Variants in CFAP77 observed in about 807,000 individuals in gnomAD.
CFAP77 encodes cilia and flagella associated protein 77.
Under a neutral mutation model 31.1 loss-of-function variants are expected in CFAP77, and 25 were observed. The ratio of observed to expected loss-of-function variants is 0.80; its 90% CI spans 0.59 to 1.12. The LOEUF is 1.12. Ranked by LOEUF, CFAP77 falls within the 50% of genes most tolerant of loss-of-function variation. CFAP77 has a pLI of 0.00. For synonymous variants in CFAP77, 151 were observed against 159.9 expected (o/e 0.94, Z 0.42); for missense variants, 377 against 397.3 (o/e 0.95, Z 0.44).
intron 1 of CFAP77, among the ~76,000 whole-genome samples, chr9:132,448,040 C>G (rs1410918074): frequency 6.6e-6 from 1 of 152,148 alleles, no homozygotes; most frequent in Admixed American, 6.5e-5. Context: ...TAGATGACAA[C>G]TTGGAGGTGC....
intron 1 of CFAP77, among the ~76,000 whole-genome samples, chr9:132,491,916 T>G (rs1227656817): frequency 6.6e-6 from 1 of 152,214 alleles, no homozygotes; most frequent in South Asian, 2.1e-4. Context: ...AAAAACATAT[T>G]GATGATGTTG....
At chr9:132,553,137 G>A (rs569185824) in intron 5 of CFAP77, among the ~76,000 whole-genome samples, 2 of 152,250 alleles carry the variant, frequency 1.3e-5, no homozygotes, top group Admixed American at 6.5e-5. Flanking sequence ...CCTTCTCACC[G>A]AGTCCTCACT....
At position 132,552,450 on chromosome 9, in the gene CFAP77, C is replaced by A. The variant is rs1228947952; in HGVS notation, c.732+9403C>A. Among the ~76,000 whole-genome samples the A allele has an allele frequency of 6.6e-6, 1 of 152,182 alleles. No individual in the cohort carries two copies. Among genetic ancestry groups the A allele is most frequent in the African/African-American group, 2.4e-5 (1 of 41,430 alleles). ...GGCTCATGCCTGTAATCTCCCAGCA[C>A]TTTGGGAGGCCAAGGCGGGAGGATC... On this transcript the variant is annotated intron_variant, in intron 5 of 5. Coordinates refer to ENST00000393216, the MANE Select transcript of CFAP77 (RefSeq NM_001282957.2). The surrounding 1 kb of genome is among the most constrained non-coding windows in gnomAD (Gnocchi z 5.5).
chr9:132,429,163 A>G (rs1850362413), intron 1 of CFAP77, among the ~76,000 whole-genome samples: 1 of 151,632 alleles, frequency 6.6e-6, no homozygotes, highest in African/African-American at 2.4e-5. Flanking sequence ...TGCGGAGGAG[A>G]GGCAGACTAG....
chr9:132,461,514 CCAG>C (rs1255514374), intron 1 of CFAP77, among the ~76,000 whole-genome samples: 1 of 152,176 alleles, frequency 6.6e-6, no homozygotes, highest in Non-Finnish European at 1.5e-5. Flanking sequence ...AGGGCAGGCC[CCAG>C]CAGCAGAACA....
chr9:132,444,847 G>A (rs1298106939), intron 1 of CFAP77, among the ~76,000 whole-genome samples: 1 of 152,044 alleles, frequency 6.6e-6, no homozygotes. Flanking sequence ...GTGTCATTGT[G>A]CCACCATCAC....
At chr9:132,422,012 G>A (rs145509623) in intron 1 of CFAP77, among the ~76,000 whole-genome samples, 6 of 149,618 alleles carry the variant, frequency 4.0e-5, no homozygotes, top group Non-Finnish European at 8.9e-5. Flanking sequence ...GTCCCAGGTG[G>A]CTTTTTTTTT....
chr9:132,457,309 T>TGGGGGGGGGGGGGAGGGGGG (rs5900982), intron 1 of CFAP77, among the ~76,000 whole-genome samples: 1 of 51,912 alleles, frequency 1.9e-5, no homozygotes, highest in Non-Finnish European at 3.7e-5. Flanking sequence ...GGGACGGGGG[T>TGGGGGGGGGGGGGAGGGGGG]GGGGGGGCGG....
At chr9:132,502,265 A>ATTTTT (rs571665067) in intron 3 of CFAP77, among the ~76,000 whole-genome samples, 5 of 83,852 alleles carry the variant, frequency 6.0e-5, no homozygotes, top group African/African-American at 8.3e-5. Context: ...ATATATATAT[A>ATTTTT]TTTTTTTTTT....
intron 3 of CFAP77, among the ~76,000 whole-genome samples, chr9:132,519,299 A>G (rs1219843814): frequency 7.5e-4 from 68 of 90,666 alleles, no homozygotes; most frequent in South Asian, 1.7e-3. Flanking sequence ...TGGATGGATG[A>G]ATGGATGGAT....
chr9:132,460,036 G>A (rs962769898), intron 1 of CFAP77, among the ~76,000 whole-genome samples: 9 of 152,266 alleles, frequency 5.9e-5, no homozygotes, highest in Non-Finnish European at 8.8e-5. Flanking sequence ...ATCCTTCCAT[G>A]CAGGGCATCG....
chr9:132,480,732 T>C lies in CFAP77; in HGVS notation c.196-17963T>C, dbSNP rs575923111. On this transcript the variant is annotated intron_variant, in intron 1 of 5. Coordinates refer to ENST00000393216, the MANE Select transcript of CFAP77 (RefSeq NM_001282957.2). The surrounding 1 kb of genome is among the most constrained non-coding windows in gnomAD (Gnocchi z 5.8). Reference sequence around the variant, plus strand: ...TTCTCCAAGGTGGTGACATTTCAGCTAGGAGTTAGCGGGGCCAGGCGCCGG... The same window carrying C: ...TTCTCCAAGGTGGTGACATTTCAGCCAGGAGTTAGCGGGGCCAGGCGCCGG... Among the ~76,000 whole-genome samples, 1 of 152,122 alleles carries C rather than the reference T, an allele frequency of 6.6e-6. No homozygotes were observed. Among genetic ancestry groups the C allele is most frequent in the South Asian group, 2.1e-4 (1 of 4,826 alleles).
At chr9:132,561,509 A>G (rs1362557903) in intron 5 of CFAP77, among the ~76,000 whole-genome samples, 1 of 151,744 alleles carries the variant, frequency 6.6e-6, no homozygotes, top group African/African-American at 2.4e-5. Flanking sequence ...GGACTGGGTC[A>G]GGGACCTGGA....
intron 3 of CFAP77, among the ~76,000 whole-genome samples, chr9:132,529,855 A>C (rs1852408310): frequency 6.6e-6 from 1 of 151,798 alleles, no homozygotes; most frequent in Non-Finnish European, 1.5e-5. Context: ...AAAGAAAAGA[A>C]AAAGAAACTG....
chr9:132,486,656 A>G (rs73659054), intron 1 of CFAP77, among the ~76,000 whole-genome samples: 3 of 152,308 alleles, frequency 2.0e-5, no homozygotes, highest in South Asian at 2.1e-4. Flanking sequence ...TCCCCTAAAC[A>G]TGCTGTTGAG....
rs1851445212 is a variant in CFAP77 at position 132,481,444 on chromosome 9, A to G, written c.196-17251A>G. Among the ~76,000 whole-genome samples the G allele has an allele frequency of 6.7e-6, 1 of 149,694 alleles. No individual in the cohort carries two copies. The highest frequency in any genetic ancestry group is 6.7e-5 in the Admixed American group (1 of 15,012). ...CCTAATCCTCGAACTCACTCCTTACACTCCTCCCTCCCCAGCAAGATTTCA... is the reference window on the plus strand; with the variant it reads ...CCTAATCCTCGAACTCACTCCTTACGCTCCTCCCTCCCCAGCAAGATTTCA... On this transcript the variant is annotated intron_variant, in intron 1 of 5. Coordinates refer to ENST00000393216, the MANE Select transcript of CFAP77 (RefSeq NM_001282957.2). This position sits in a 1 kb window ranked among gnomAD's most constrained non-coding sequence, Gnocchi z 5.0.
intron 1 of CFAP77, among the ~76,000 whole-genome samples, chr9:132,433,600 T>G (rs1467695968): frequency 1.3e-5 from 2 of 151,442 alleles, no homozygotes; most frequent in East Asian, 3.9e-4. Flanking sequence ...CAGGCTGGAG[T>G]GCAGTGGCAC....
intron 1 of CFAP77, among the ~76,000 whole-genome samples, chr9:132,458,550 C>T (rs939195916): frequency 2.6e-5 from 4 of 152,270 alleles, no homozygotes; most frequent in African/African-American, 9.6e-5. Flanking sequence ...CCGCACAGGA[C>T]AGAGTGAAAT....
chr9:132,452,391 G>A (rs772664398), intron 1 of CFAP77, among the ~76,000 whole-genome samples: 13 of 152,260 alleles, frequency 8.5e-5, no homozygotes, highest in South Asian at 4.1e-4. Context: ...ACCCCTTCCC[G>A]TGCCCCTGCT....
Sources: allele counts gnomAD v4.1 joint callset (sites outside exome capture counted in the v4.1 genomes callset), GRCh38; gene constraint gnomAD v4.1.1; non-coding constraint Gnocchi (gnomAD v3.1); transcripts MANE v1.5; gene names NCBI Gene and HGNC (gene_info 2026-07-23, HGNC 2026-07-21).